PAK3: variants seen among roughly 807,000 people sequenced by gnomAD.
PAK3 encodes p21 (RAC1) activated kinase 3.
In PAK3, 4 loss-of-function variants were observed where a neutral mutation model predicts 41.0. The ratio of observed to expected loss-of-function variants is 0.10; its 90% CI spans 0.05 to 0.22. The LOEUF (loss-of-function observed/expected upper bound fraction) is 0.22, where lower values mean the gene tolerates loss of function less well. Among genes scored for constraint, PAK3 ranks in the 10% least tolerant of loss-of-function variants. The probability of loss-of-function intolerance (pLI) is 1.00; values close to 1 mark genes in which losing one functional copy is unlikely to be tolerated. For synonymous variants in PAK3, 146 were observed against 139.6 expected, an observed-to-expected ratio of 1.05 and a Z score of -0.32; for missense variants, 205 against 409.9, an observed-to-expected ratio of 0.50 and a Z score of 4.32.
intron 4 of PAK3, among the ~76,000 whole-genome samples, chrX:111,114,694 T>C (rs1603253236): frequency 9.0e-6 from 1 of 111,286 alleles, no homozygotes; most frequent in Admixed American, 9.5e-5. Context: ...TAATTGGGAG[T>C]ACTATGACGT....
intron 9 of PAK3, among the ~76,000 whole-genome samples, 179 bp from the exon 10 acceptor site, chrX:111,163,383 C>T (rs1305873516): frequency 5.4e-5 from 6 of 111,031 alleles, no homozygotes; most frequent in Non-Finnish European, 1.1e-4. Flanking sequence ...TGTATAGGGA[C>T]ATCCAAAGAC....
rs2094938725 is a variant in PAK3 at position 111,223,653 on chromosome X, A to G, written c.*3206A>G. 1 of 110,872 alleles carries G rather than the reference A, an allele frequency of 9.0e-6. No individual in the cohort carries two copies. Among genetic ancestry groups the G allele is most frequent in the Non-Finnish European group, 1.9e-5 (1 of 53,064 alleles). 9.1% of individuals were successfully genotyped at this position (110,872 alleles called of 1,213,427 possible). The stretch of plus-strand genomic sequence containing the variant: ...AAGCACATTCCATTGCTAAAAGAAA[A>G]AGAAACACGAAATTGCTTCCTGTTG... On this transcript the variant is annotated 3_prime_UTR_variant, in exon 18 of 18. Transcript: ENST00000372007.
At chrX:111,218,744 AG>A (rs984632350) in intron 17 of PAK3, among the ~76,000 whole-genome samples, 1 of 111,614 alleles carries the variant, frequency 9.0e-6, no homozygotes, top group African/African-American at 3.3e-5. Flanking sequence ...AAGATGTCTG[AG>A]GGACAAGCAT....
intron 5 of PAK3, among the ~76,000 whole-genome samples, chrX:111,133,225 C>A (rs1188145194): frequency 2.7e-5 from 3 of 111,616 alleles, no homozygotes; most frequent in African/African-American, 6.5e-5. Context: ...ATTGTGTCTT[C>A]TCATTTCCTC....
chrX:111,062,501 G>T (rs1305524203), intron 1 of PAK3, among the ~76,000 whole-genome samples: 1 of 112,339 alleles, frequency 8.9e-6, no homozygotes, highest in African/African-American at 3.2e-5. Flanking sequence ...CAGTTGGACT[G>T]AACTCTGAGA....
At chrX:111,138,933 A>T (rs897689294) in intron 5 of PAK3, among the ~76,000 whole-genome samples, 1 of 110,492 alleles carries the variant, frequency 9.1e-6, no homozygotes, top group African/African-American at 3.3e-5. Flanking sequence ...ACGCCACTGT[A>T]CTCCAGCCTG....
chrX:110,956,053 C>T lies in PAK3; in HGVS notation c.-28+11425C>T, dbSNP rs534243273. Among the ~76,000 whole-genome samples the T allele has an allele frequency of 2.7e-5, 3 of 112,085 alleles. No homozygotes were observed. In the South Asian group the frequency reaches 1.1e-3, roughly 42 times the overall value. The stretch of plus-strand genomic sequence containing the variant: ...ATGGAAAAAATAATATTAGTACTTA[C>T]CTCACAGAGTTGTGGTGAGGAATCA... On this transcript the variant is annotated intron_variant, in intron 1 of 14. Transcript: ENST00000425146.
intron 11 of PAK3, among the ~76,000 whole-genome samples, chrX:111,178,539 TA>T (rs1178919293): frequency 8.9e-5 from 10 of 111,791 alleles, no homozygotes; most frequent in Middle Eastern, 9.2e-3. Context: ...AGAAGGCATT[TA>T]AAGTCCTTAG....
intron 3 of PAK3, among the ~76,000 whole-genome samples, chrX:111,100,564 G>T (rs1232991368): frequency 4.5e-5 from 5 of 111,243 alleles, no homozygotes; most frequent in Non-Finnish European, 9.4e-5. Context: ...GGGGCTGGGG[G>T]TTCACAGAGG....
At chrX:111,100,287 T>C (rs1036066129) in intron 3 of PAK3, among the ~76,000 whole-genome samples, 2 of 111,124 alleles carry the variant, frequency 1.8e-5, no homozygotes, top group Non-Finnish European at 3.8e-5. Context: ...TCCTCCCATA[T>C]CTCACTGTGA....
At chrX:111,085,470 A>T (rs1179802356) in intron 1 of PAK3, among the ~76,000 whole-genome samples, 1 of 112,281 alleles carries the variant, frequency 8.9e-6, no homozygotes, top group African/African-American at 3.2e-5. Context: ...TTTAACTCAA[A>T]AGCCTTATTT....
chrX:111,123,052 C>T, intron 4 of PAK3, 25 bp from the exon 5 acceptor site: 1 of 1,001,869 alleles, frequency 1.0e-6, no homozygotes, highest in Non-Finnish European at 1.4e-6. Context: ...CCCTCAACTC[C>T]TTTTTTTTCC....
intron 1 of PAK3, among the ~76,000 whole-genome samples, chrX:110,950,906 A>G (rs898367044): frequency 9.0e-6 from 1 of 111,160 alleles, no homozygotes; most frequent in Admixed American, 9.6e-5. Flanking sequence ...GGCTATCACA[A>G]TTTACCTTCC....
intron 16 of PAK3, among the ~76,000 whole-genome samples, chrX:111,199,582 T>A (rs189892192): frequency 4.6e-4 from 51 of 112,021 alleles, no homozygotes; most frequent in Middle Eastern, 4.6e-3. Flanking sequence ...AATTTTTAAA[T>A]TGGATTTTCC....
intron 5 of PAK3, among the ~76,000 whole-genome samples, chrX:111,132,496 C>T (rs1022409544): frequency 9.0e-6 from 1 of 110,735 alleles, no homozygotes; most frequent in Non-Finnish European, 1.9e-5. Flanking sequence ...CTTCTGGTGT[C>T]AAGCTAGGGA....
rs778585528 is a variant in PAK3 at position 111,163,626 on chromosome X, C to A, written c.665C>A (p.Pro222Gln). The A allele has an allele frequency of 1.4e-4, 164 of 1,190,423 alleles. No homozygotes were observed. Among genetic ancestry groups the A allele is most frequent in the Non-Finnish European group, 1.7e-4 (150 of 877,858 alleles). Residue 222 changes from proline to glutamine, a missense_variant, in exon 10 of 18, where the codon CCA becomes CAA. Physicochemically the swap from Pro to Gln is moderately conservative, Grantham distance 76. Coordinates refer to ENST00000372007, the MANE Select transcript of PAK3 (RefSeq NM_002578.5). ...GCAGTACCAAATAAAGAGGTCACAC[C>A]ACCCTCTGCTGAAAATGCCAATTCC... ...SPAVPNKEVT[P>Q]PSAENANSST...
intron 6 of PAK3, chrX:111,146,453 C>T: frequency 1.4e-6 from 1 of 733,188 alleles, no homozygotes; most frequent in Non-Finnish European, 2.1e-6. Flanking sequence ...TTCATCTCCT[C>T]CCACCTTCTA....
chrX:111,140,379 G>A (rs911792565), intron 5 of PAK3, among the ~76,000 whole-genome samples: 13 of 111,882 alleles, frequency 1.2e-4, no homozygotes, highest in Non-Finnish European at 2.4e-4. Flanking sequence ...GCCAGCATGG[G>A]TGGGACATCA....
intron 1 of PAK3, among the ~76,000 whole-genome samples, chrX:111,023,542 C>T (rs981069100): frequency 1.1e-4 from 12 of 112,245 alleles, no homozygotes; most frequent in African/African-American, 3.6e-4. Context: ...TCCACATCCT[C>T]TCCAGCACCT....
Sources: allele counts gnomAD v4.1 joint callset (sites outside exome capture counted in the v4.1 genomes callset), GRCh38; gene constraint gnomAD v4.1.1; transcripts MANE v1.5; gene names NCBI Gene and HGNC (gene_info 2026-07-23, HGNC 2026-07-21).